NANOS3: variants seen among roughly 807,000 people sequenced by gnomAD.
NANOS3 encodes the protein nanos homolog 3.
NANOS3 carries 11 observed loss-of-function variants against 13.8 expected under a neutral mutation model. That is an observed-to-expected ratio of 0.80 (90% CI 0.50 to 1.32). NANOS3 has a LOEUF of 1.32. NANOS3 is among the 40% of genes most tolerant of loss of function. The probability of loss-of-function intolerance (pLI) is 0.00; values close to 1 mark genes in which losing one functional copy is unlikely to be tolerated. For synonymous variants in NANOS3, 119 were observed against 115.4 expected (o/e 1.03, Z -0.20); for missense variants, 221 against 263.8 (o/e 0.84, Z 1.12).
chr19:13,873,685 G>A (rs913997234), upstream of NANOS3, among the ~76,000 whole-genome samples: 3 of 152,020 alleles, frequency 2.0e-5, no homozygotes, highest in Admixed American at 2.0e-4. Flanking sequence ...TGCTCAGGTT[G>A]GTCTCCATCT....
chr19:13,864,853 C>G (rs1192949119), upstream of NANOS3, among the ~76,000 whole-genome samples: 1 of 152,148 alleles, frequency 6.6e-6, no homozygotes, highest in East Asian at 1.9e-4. Context: ...TATGACCACC[C>G]TCGTGCGGCC....
At position 13,877,404 on chromosome 19, in the gene NANOS3, G is replaced by A. The variant is rs778920016; in HGVS notation, c.156G>A (p.Pro52=). 8.1e-6 allele frequency: 13 copies of A among 1,612,416 alleles called. No homozygotes were observed. The East Asian group carries it at 1.3e-4, about 17-fold the overall frequency. Residue 52 remains proline, a synonymous_variant, in exon 1 of 2, where the codon CCG becomes CCA. Transcript: ENST00000339133. ...CAGCCCTGGAGCCGATGCCAGCGCCGGAGTCGGTGCCAGTGCCGGGACCCA... is the reference window on the plus strand; with the variant it reads ...CAGCCCTGGAGCCGATGCCAGCGCCAGAGTCGGTGCCAGTGCCGGGACCCA... ...PVSALEPMPA[P]ESVPVPGPKD...
At position 13,880,633 on chromosome 19, in the gene NANOS3, G is replaced by T. The variant is rs1968620084; in HGVS notation, c.*130G>T. 2 of 774,698 alleles carry T rather than the reference G, an allele frequency of 2.6e-6. No homozygotes were observed. The highest frequency in any genetic ancestry group is 3.2e-5 in the South Asian group (2 of 61,854). 48.0% of individuals were successfully genotyped at this position (774,698 alleles called of 1,614,324 possible). A position where few individuals can be genotyped will look rare whatever the true frequency, so the allele number is the denominator to read the frequency against. ...GATTGAGCCCTGGGGATGACCCGGG[G>T]TTGGCAAGGGAAGAGCTGAAATCGC... On this transcript the variant is annotated 3_prime_UTR_variant, in exon 2 of 2. Transcript: ENST00000339133.
upstream of NANOS3, chr19:13,865,273 A>C (rs1420478040): frequency 1.4e-5 from 1 of 69,930 alleles, no homozygotes; most frequent in Non-Finnish European, 2.7e-5. Flanking sequence ...CCGGCGCCGG[A>C]GCCCCGCGGC....
At position 13,877,211 on chromosome 19, in the gene NANOS3, C is replaced by T. The variant is rs749224631; in HGVS notation, c.-38C>T. On this transcript the variant is annotated 5_prime_UTR_variant, in exon 1 of 2. Transcript: ENST00000339133. ...GCTTAAGCCAGGCAGGGTTACTTGTCTCTGTGACTCCTTCCGCCTGGCACA... is the reference window on the plus strand; with the variant it reads ...GCTTAAGCCAGGCAGGGTTACTTGTTTCTGTGACTCCTTCCGCCTGGCACA... The T allele has an allele frequency of 3.2e-6, 5 of 1,552,788 alleles. No homozygotes were observed. In the African/African-American group the frequency reaches 6.8e-5, roughly 21 times the overall value.
At chr19:13,878,464 C>T (rs1009885309) in intron 1 of NANOS3, among the ~76,000 whole-genome samples, 4 of 152,130 alleles carry the variant, frequency 2.6e-5, no homozygotes, top group Admixed American at 6.6e-5. Context: ...GTCTCGAACT[C>T]CCAACCTCGT....
At chr19:13,879,967 A>G (rs1968598625) in intron 1 of NANOS3, among the ~76,000 whole-genome samples, 1 of 152,172 alleles carries the variant, frequency 6.6e-6, no homozygotes, top group African/African-American at 2.4e-5. Context: ...TGGAGGTCGC[A>G]GTGAGCTGAG....
upstream of NANOS3, among the ~76,000 whole-genome samples, chr19:13,872,667 G>C (rs978164988): frequency 2.0e-5 from 3 of 152,212 alleles, no homozygotes; most frequent in Admixed American, 6.5e-5. Flanking sequence ...GATCCACAAG[G>C]CAGGGGACCG....
intron 1 of NANOS3, among the ~76,000 whole-genome samples, chr19:13,879,955 GGTGGAGGTCGCAGTGA>G: frequency 6.6e-6 from 1 of 152,312 alleles, no homozygotes; most frequent in African/African-American, 2.4e-5. Context: ...GAACCCGGGA[GGTGGAGGTCGCAGTGA>G]GCTGAGGTCA....
chr19:13,875,076 C>T (rs1393788729), upstream of NANOS3: 1 of 407,630 alleles, frequency 2.5e-6, no homozygotes, highest in Admixed American at 2.8e-5. Flanking sequence ...CCAACCACTC[C>T]TCTTTGGAGA....
chr19:13,877,233 C>T lies in NANOS3; in HGVS notation c.-16C>T, dbSNP rs200128249. 7.5e-6 allele frequency: 12 copies of T among 1,592,152 alleles called. No individual in the cohort carries two copies. The highest frequency in any genetic ancestry group is 1.0e-5 in the Non-Finnish European group (12 of 1,165,548). On this transcript the variant is annotated 5_prime_UTR_variant, in exon 1 of 2. Coordinates refer to ENST00000339133, the MANE Select transcript of NANOS3 (RefSeq NM_001098622.3). ...TGTCTCTGTGACTCCTTCCGCCTGGCACATGCTGCCCAGCTATGGGGACCT... is the reference window on the plus strand; with the variant it reads ...TGTCTCTGTGACTCCTTCCGCCTGGTACATGCTGCCCAGCTATGGGGACCT...
chr19:13,877,793 C>T, intron 1 of NANOS3, 28 bp downstream of exon 1: 2 of 1,530,046 alleles, frequency 1.3e-6, no homozygotes, highest in Non-Finnish European at 1.8e-6. Context: ...TGGGGGGGAC[C>T]TGTCCGAGGG....
At chr19:13,863,756 G>T (rs1312284180), upstream of NANOS3, among the ~76,000 whole-genome samples, 1 of 152,154 alleles carries the variant, frequency 6.6e-6, no homozygotes, top group East Asian at 1.9e-4. Context: ...TGGGGTTGGG[G>T]GTCGGGGGAG....
At chr19:13,866,302 A>C (rs1976239923) in intron 1 of NANOS3, among the ~76,000 whole-genome samples, 1 of 152,020 alleles carries the variant, frequency 6.6e-6, no homozygotes, top group Non-Finnish European at 1.5e-5. Flanking sequence ...TCATTGGCTG[A>C]TAGGGACTGA....
upstream of NANOS3, among the ~76,000 whole-genome samples, chr19:13,875,886 C>T (rs1210598455): frequency 6.6e-6 from 1 of 152,148 alleles, no homozygotes; most frequent in Non-Finnish European, 1.5e-5. Context: ...GGCACAGCGT[C>T]TCTCCTCTGT....
chr19:13,872,716 G>A (rs551351392), upstream of NANOS3, among the ~76,000 whole-genome samples: 122 of 152,348 alleles, frequency 8.0e-4, no homozygotes, highest in African/African-American at 2.8e-3. Context: ...CTGGGGTGGA[G>A]GTGGCGGATA....
chr19:13,865,822 CCGCG>C (rs903143027), intron 1 of NANOS3, among the ~76,000 whole-genome samples: 24 of 149,368 alleles, frequency 1.6e-4, no homozygotes, highest in Non-Finnish European at 1.5e-5. Flanking sequence ...CGACACCTGA[CCGCG>C]CGCGGGGAGG....
intron 1 of NANOS3, among the ~76,000 whole-genome samples, chr19:13,867,978 C>T (rs901776729): frequency 2.6e-5 from 4 of 152,054 alleles, no homozygotes; most frequent in South Asian, 4.1e-4. Flanking sequence ...CATAGACTCA[C>T]GGGGAAATGA....
At chr19:13,875,694 C>T (rs1026891285), upstream of NANOS3, among the ~76,000 whole-genome samples, 1 of 152,056 alleles carries the variant, frequency 6.6e-6, no homozygotes, top group African/African-American at 2.4e-5. Flanking sequence ...CACGGGCACG[C>T]ACCACCACAC....
Sources: allele counts gnomAD v4.1 joint callset (sites outside exome capture counted in the v4.1 genomes callset), GRCh38; gene constraint gnomAD v4.1.1; transcripts MANE v1.5; gene names NCBI Gene and HGNC (gene_info 2026-07-23, HGNC 2026-07-21).